The following EYS variants were observed in gnomAD, a reference collection of about 807,000 sequenced individuals.
EYS encodes protein eyes shut homolog.
A neutral mutation model predicts 282.1 loss-of-function variants in EYS; 250 were observed. The observed-to-expected ratio is 0.89, with a 90% CI of 0.80 to 0.98. The LOEUF (loss-of-function observed/expected upper bound fraction) is 0.98. Ranked by LOEUF, EYS falls within the 50% of genes least tolerant of loss-of-function variation. The pLI is 0.00. For synonymous variants in EYS, 1,355 were observed against 1,282.9 expected (o/e 1.06, Z -1.20); for missense variants, 4,016 against 3,709.0 (o/e 1.08, Z -2.15).
chr6:65,674,823 A>T (rs1768521053), intron 1 of EYS, among the ~76,000 whole-genome samples: 2 of 152,080 alleles, frequency 1.3e-5, no homozygotes, highest in African/African-American at 4.8e-5. Flanking sequence ...TAAATATTTA[A>T]TGAATACAGA....
intron 24 of EYS, among the ~76,000 whole-genome samples, chr6:64,603,948 G>A (rs1766842389): frequency 6.6e-6 from 1 of 151,006 alleles, no homozygotes; most frequent in African/African-American, 2.4e-5. Context: ...AAGCTCTCAA[G>A]AATATATATA....
chr6:64,518,444 G>A (rs1777627966), intron 26 of EYS, among the ~76,000 whole-genome samples: 1 of 151,708 alleles, frequency 6.6e-6, no homozygotes, highest in Non-Finnish European at 1.5e-5. Flanking sequence ...CATACCGTAA[G>A]TTGAAATGTA....
At chr6:65,369,890 T>C (rs964784493) in intron 8 of EYS, among the ~76,000 whole-genome samples, 2 of 151,706 alleles carry the variant, frequency 1.3e-5, no homozygotes, top group Non-Finnish European at 2.9e-5. Flanking sequence ...TTTTCAAAGA[T>C]GTCTGCGACT....
chr6:64,633,431 GA>G (rs140898568), intron 22 of EYS, among the ~76,000 whole-genome samples: 2,230 of 152,168 alleles, frequency 0.015, 50 homozygotes, highest in African/African-American at 0.052. Flanking sequence ...TCCATATGCA[GA>G]AATTAAGACA....
At chr6:65,236,385 G>A (rs1344723220) in intron 12 of EYS, among the ~76,000 whole-genome samples, 1 of 152,146 alleles carries the variant, frequency 6.6e-6, no homozygotes, top group Non-Finnish European at 1.5e-5. Context: ...GCCAAGGCAG[G>A]TGGATCACGA....
At chr6:64,264,839 G>T (rs961847410) in intron 30 of EYS, among the ~76,000 whole-genome samples, 1 of 152,086 alleles carries the variant, frequency 6.6e-6, no homozygotes, top group Non-Finnish European at 1.5e-5. Context: ...CGGAAGCTGA[G>T]GTTGCAATGA....
At chr6:65,219,214 T>G (rs1429749319) in intron 12 of EYS, among the ~76,000 whole-genome samples, 1 of 152,196 alleles carries the variant, frequency 6.6e-6, no homozygotes, top group African/African-American at 2.4e-5. Context: ...TAAGCACACA[T>G]ACATATATTT....
chr6:64,452,155 C>G (rs1349786264), intron 26 of EYS, among the ~76,000 whole-genome samples: 1 of 152,176 alleles, frequency 6.6e-6, no homozygotes, highest in Non-Finnish European at 1.5e-5. Context: ...GCAACTTCAG[C>G]AAAGTCTCAG....
chr6:64,432,571 T>A (rs962299623), intron 28 of EYS, among the ~76,000 whole-genome samples: 5 of 151,008 alleles, frequency 3.3e-5, no homozygotes, highest in Non-Finnish European at 5.9e-5. Flanking sequence ...GTGTAATATA[T>A]GCAATGATTA....
At chr6:65,132,086 A>G (rs1472431107) in intron 12 of EYS, among the ~76,000 whole-genome samples, 1 of 152,010 alleles carries the variant, frequency 6.6e-6, no homozygotes, top group African/African-American at 2.4e-5. Flanking sequence ...ATGCCCTGTC[A>G]ACCAAAAAAA....
chr6:64,797,330 A>G (rs960702600), intron 22 of EYS, among the ~76,000 whole-genome samples: 11 of 152,060 alleles, frequency 7.2e-5, no homozygotes, highest in African/African-American at 2.7e-4. Flanking sequence ...ATTGACCTTC[A>G]GGGAAGGTTC....
intron 22 of EYS, among the ~76,000 whole-genome samples, chr6:64,706,983 G>C (rs9342390): frequency 0.65 from 99,104 of 151,836 alleles, 34,107 homozygotes; most frequent in Middle Eastern, 0.77. Context: ...TGGAGGAAAA[G>C]ATACAAAAAA....
At chr6:64,905,879 C>T (rs1477372122) in intron 16 of EYS, among the ~76,000 whole-genome samples, 1 of 151,898 alleles carries the variant, frequency 6.6e-6, no homozygotes. Flanking sequence ...GGGAAAAAAA[C>T]TAGTGTATAC....
At chr6:64,115,080 A>G (rs933469977) in intron 31 of EYS, among the ~76,000 whole-genome samples, 6 of 152,132 alleles carry the variant, frequency 3.9e-5, no homozygotes, top group African/African-American at 1.2e-4. Flanking sequence ...CCTTGGCGCT[A>G]TGGCTGCTCC....
intron 1 of EYS, among the ~76,000 whole-genome samples, chr6:65,649,851 G>A (rs936943992): frequency 6.6e-6 from 1 of 152,044 alleles, no homozygotes; most frequent in Admixed American, 6.6e-5. Flanking sequence ...AGATGACAAT[G>A]GGTGAAAGAA....
At chr6:64,015,025 T>C (rs1169323691) in intron 33 of EYS, among the ~76,000 whole-genome samples, 2 of 152,166 alleles carry the variant, frequency 1.3e-5, no homozygotes, top group East Asian at 3.8e-4. Flanking sequence ...GGCTTAATGA[T>C]TGAAAGAAGA....
chr6:64,979,256 A>C (rs775371240), intron 14 of EYS, among the ~76,000 whole-genome samples: 2 of 151,830 alleles, frequency 1.3e-5, no homozygotes, highest in Non-Finnish European at 2.9e-5. Context: ...CCCGTATTTT[A>C]ACAATTTTAT....
chr6:64,340,070 C>T (rs917503452), intron 29 of EYS, among the ~76,000 whole-genome samples: 34 of 151,146 alleles, frequency 2.2e-4, no homozygotes, highest in African/African-American at 8.3e-4. Flanking sequence ...AATTAGCATA[C>T]AAATAAAAAC....
At chr6:64,919,419 C>CA in intron 15 of EYS, among the ~76,000 whole-genome samples, 1 of 135,524 alleles carries the variant, frequency 7.4e-6, no homozygotes, top group African/African-American at 2.7e-5. Flanking sequence ...TTCTTTTTTT[C>CA]TTTTTTTTTT....
Sources: gnomAD v4.1 joint callset for allele counts (sites outside exome capture counted in the v4.1 genomes callset) on GRCh38, gnomAD v4.1.1 for gene constraint, MANE v1.5 for transcripts, NCBI Gene and HGNC (gene_info 2026-07-23, HGNC 2026-07-21) for gene names.